CACNA1D: variants seen among roughly 807,000 people sequenced by gnomAD.
CACNA1D encodes calcium voltage-gated channel subunit alpha1 D, also known as voltage-dependent L-type calcium channel subunit alpha-1D.
CACNA1D carries 55 observed loss-of-function variants against 257.1 expected under a neutral mutation model. The ratio of observed to expected loss-of-function variants is 0.21; its 90% confidence interval spans 0.17 to 0.27. The LOEUF (loss-of-function observed/expected upper bound fraction) is 0.27. Among genes scored for constraint, CACNA1D ranks in the 10% least tolerant of loss-of-function variants. The probability of loss-of-function intolerance (pLI) is 1.00; values close to 1 mark genes in which losing one functional copy is unlikely to be tolerated. For synonymous variants in CACNA1D, 980 were observed against 1,014.9 expected (o/e 0.97, Z 0.65); for missense variants, 1,876 against 2,784.0 (o/e 0.67, Z 7.34).
chr3:53,711,119 G>A (rs143955190), intron 9 of CACNA1D, among the ~76,000 whole-genome samples: 2,589 of 152,306 alleles, frequency 0.017, 33 homozygotes, highest in Non-Finnish European at 0.027. Flanking sequence ...GGTGGTGCAT[G>A]CCTATAGTCC....
chr3:53,562,957 C>A (rs2092767218), intron 3 of CACNA1D, among the ~76,000 whole-genome samples: 1 of 152,182 alleles, frequency 6.6e-6, no homozygotes, highest in Non-Finnish European at 1.5e-5. Context: ...ACAAGAAAGT[C>A]CAGTGGGGGT....
chr3:53,614,266 G>A (rs1020040549), intron 3 of CACNA1D, among the ~76,000 whole-genome samples: 12 of 152,164 alleles, frequency 7.9e-5, no homozygotes, highest in African/African-American at 2.9e-4. Context: ...CATAGAAATT[G>A]TTTTTGTGTC....
At position 53,751,689 on chromosome 3, in the gene CACNA1D, G is replaced by A. The variant is rs553522634; in HGVS notation, c.3517-60G>A. 3.2e-5 allele frequency: 51 copies of A among 1,575,482 alleles called. No homozygotes were observed. The highest frequency in any genetic ancestry group is 3.3e-5 in the South Asian group (3 of 90,292). ...GAGCTCTTTCAGAGCAGATGACCAC[G>A]GGGTCCTCCTTCCCTGCAAGTGCTC... is the stretch of plus-strand genomic sequence containing the variant. On this transcript the variant is annotated intron_variant, in intron 27 of 47. Transcript: ENST00000350061. This position sits in a 1 kb window ranked among gnomAD's most constrained non-coding sequence, Gnocchi z 4.3.
chr3:53,772,783 G>A (rs200257066), intron 32 of CACNA1D, 50 bp from the exon 33 acceptor site: 100 of 1,471,158 alleles, frequency 6.8e-5, no homozygotes, highest in African/African-American at 6.6e-4. Flanking sequence ...GTGGCGGGCC[G>A]TCACGGGGAC....
chr3:53,718,486 T>C (rs963117253), intron 10 of CACNA1D, 98 bp downstream of exon 10: 3 of 1,096,716 alleles, frequency 2.7e-6, no homozygotes, highest in Non-Finnish European at 4.1e-6. Flanking sequence ...CCCCGGGCCA[T>C]CGCCTTGGGT....
intron 3 of CACNA1D, among the ~76,000 whole-genome samples, chr3:53,643,514 G>T (rs1400444636): frequency 6.6e-6 from 1 of 152,136 alleles, no homozygotes; most frequent in African/African-American, 2.4e-5. Context: ...TGAAAAAGCA[G>T]CCGCTGCTCT....
intron 3 of CACNA1D, among the ~76,000 whole-genome samples, chr3:53,635,135 C>T (rs1194028558): frequency 2.0e-5 from 3 of 152,230 alleles, no homozygotes; most frequent in East Asian, 3.8e-4. Context: ...CCCGATTTCA[C>T]CTTGTGAGTT....
At position 53,776,965 on chromosome 3, in the gene CACNA1D, C is replaced by G. The variant is rs1162108780; in HGVS notation, c.4587+9C>G. ...ACAGGGTAGCGTGCAAGGTGAGTGTCCTGTGTGCGTGTCTGACAGCCTGTC... is the reference window on the plus strand; with the variant it reads ...ACAGGGTAGCGTGCAAGGTGAGTGTGCTGTGTGCGTGTCTGACAGCCTGTC... On this transcript the variant is annotated intron_variant, in intron 37 of 47. Coordinates refer to ENST00000350061, the MANE Select transcript of CACNA1D (RefSeq NM_001128840.3). 6.3e-7 allele frequency: 1 copy of G among 1,598,912 alleles called. No homozygotes were observed. The highest frequency in any genetic ancestry group is 1.1e-5 in the South Asian group (1 of 90,740).
chr3:53,665,016 G>A lies in CACNA1D; in HGVS notation c.767-644G>A, dbSNP rs554351912. Among the ~76,000 whole-genome samples the A allele has an allele frequency of 1.4e-4, 21 of 152,244 alleles. 1 individual carries two copies. Among genetic ancestry groups the A allele is most frequent in the South Asian group, 1.0e-3 (5 of 4,820 alleles). ...CCCAGTAGATAACCTCAATGAGCACGGTGCCAGGGAGTGATTGCCCTCAGC... is the reference window on the plus strand; with the variant it reads ...CCCAGTAGATAACCTCAATGAGCACAGTGCCAGGGAGTGATTGCCCTCAGC... On this transcript the variant is annotated intron_variant, in intron 5 of 47. Coordinates refer to ENST00000350061, the MANE Select transcript of CACNA1D (RefSeq NM_001128840.3).
rs2094349697 is a variant in CACNA1D, at chr3:53,673,968, T to A, written c.1220+842T>A. The A allele has an allele frequency of 5.7e-6, 4 of 707,460 alleles. No homozygotes were observed. Among genetic ancestry groups the A allele is most frequent in the Non-Finnish European group, 5.3e-6 (2 of 379,498 alleles). The allele number at this position is 707,460 out of a possible 1,614,324, so 43.8% of individuals were successfully genotyped here. A position where few individuals can be genotyped will look rare whatever the true frequency, so the allele number is the denominator to read the frequency against. Reference sequence around the variant, plus strand: ...GCTTTTGGATTGAACTGTGATTCTTTCTGCCTGTATCTGTCTGTGAGATTC... The same window carrying A: ...GCTTTTGGATTGAACTGTGATTCTTACTGCCTGTATCTGTCTGTGAGATTC... On this transcript the variant is annotated intron_variant, in intron 8 of 47. Transcript: ENST00000350061. The surrounding 1 kb of genome is among the most constrained non-coding windows in gnomAD (Gnocchi z 4.1).
At chr3:53,526,028 C>T (rs1163269842) in intron 3 of CACNA1D, among the ~76,000 whole-genome samples, 2 of 152,210 alleles carry the variant, frequency 1.3e-5, no homozygotes, top group Admixed American at 1.3e-4. Flanking sequence ...GGATGGCTGC[C>T]AACAGTTTCT....
At chr3:53,753,319 T>C (rs562249939) in intron 28 of CACNA1D, among the ~76,000 whole-genome samples, 6 of 152,314 alleles carry the variant, frequency 3.9e-5, no homozygotes, top group African/African-American at 1.4e-4. Context: ...AAGGGTGAAT[T>C]CCCTTTATCC....
chr3:53,784,802 T>C (rs930035387), intron 39 of CACNA1D, among the ~76,000 whole-genome samples: 2 of 152,180 alleles, frequency 1.3e-5, no homozygotes, highest in African/African-American at 4.8e-5. Flanking sequence ...GGGAAAGGGA[T>C]ACACTTGCAT....
chr3:53,495,972 T>C lies in CACNA1D; in HGVS notation c.67+739T>C, dbSNP rs2090325421. Among the ~76,000 whole-genome samples the C allele has an allele frequency of 6.6e-6, 1 of 152,184 alleles. No individual in the cohort carries two copies. Among genetic ancestry groups the C allele is most frequent in the East Asian group, 1.9e-4 (1 of 5,188 alleles). ...AGCCCTCCCCTTTGGAGACCGCCAG[T>C]GCCCCCCAACCCCTGTCGGCTGGAA... is the stretch of plus-strand genomic sequence containing the variant. On this transcript the variant is annotated intron_variant, in intron 1 of 47. Transcript: ENST00000350061. This position sits in a 1 kb window ranked among gnomAD's most constrained non-coding sequence, Gnocchi z 5.1.
chr3:53,801,833 G>A (rs2095537827), intron 42 of CACNA1D, among the ~76,000 whole-genome samples: 1 of 152,238 alleles, frequency 6.6e-6, no homozygotes, highest in Non-Finnish European at 1.5e-5. Context: ...TGTGAAATAT[G>A]TAAGTGAATG....
At chr3:53,602,804 T>TC (rs1322657704) in intron 3 of CACNA1D, among the ~76,000 whole-genome samples, 2 of 152,330 alleles carry the variant, frequency 1.3e-5, no homozygotes, top group East Asian at 3.9e-4. Flanking sequence ...GGCTTTTTTT[T>TC]CCCCCTATTG....
intron 3 of CACNA1D, among the ~76,000 whole-genome samples, chr3:53,563,959 T>C (rs2092787370): frequency 6.6e-6 from 1 of 152,222 alleles, no homozygotes; most frequent in African/African-American, 2.4e-5. Context: ...CTAGTTGTTT[T>C]CCAAGGGGTT....
chr3:53,495,750 T>G lies in CACNA1D; in HGVS notation c.67+517T>G, dbSNP rs1295405098. Among the ~76,000 whole-genome samples the G allele has an allele frequency of 6.6e-6, 1 of 152,208 alleles. No homozygotes were observed. Among genetic ancestry groups the G allele is most frequent in the African/African-American group, 2.4e-5 (1 of 41,456 alleles). On this transcript the variant is annotated intron_variant, in intron 1 of 47. Coordinates refer to ENST00000350061, the MANE Select transcript of CACNA1D (RefSeq NM_001128840.3). This position sits in a 1 kb window ranked among gnomAD's most constrained non-coding sequence, Gnocchi z 5.1. ...ATCCCCTCGCGGGGGAGGCCCGGCC[T>G]CGGTATCGGGGAAAGGGGTTCGGGT... is the stretch of plus-strand genomic sequence containing the variant.
intron 40 of CACNA1D, among the ~76,000 whole-genome samples, chr3:53,788,069 C>T (rs1219530540): frequency 3.3e-5 from 5 of 152,066 alleles, no homozygotes; most frequent in African/African-American, 1.2e-4. Flanking sequence ...ATGGTAACAG[C>T]CCAAATGAGG....
Sources: gnomAD v4.1 joint callset for allele counts (sites outside exome capture counted in the v4.1 genomes callset) on GRCh38, gnomAD v4.1.1 for gene constraint, Gnocchi (gnomAD v3.1) non-coding constraint, MANE v1.5 for transcripts, NCBI Gene and HGNC (gene_info 2026-07-23, HGNC 2026-07-21) for gene names.